The following USP1 variants were observed in gnomAD, a reference collection of about 807,000 sequenced individuals.
USP1 encodes the protein ubiquitin specific peptidase 1, also known as ubiquitin carboxyl-terminal hydrolase 1.
USP1 carries 18 observed loss-of-function variants against 72.2 expected under a neutral mutation model. The ratio of observed to expected loss-of-function variants is 0.25; its 90% CI spans 0.17 to 0.37. The LOEUF is 0.37. Ranked by LOEUF, USP1 falls within the 10% of genes least tolerant of loss-of-function variation. The pLI is 1.00. For missense variants in USP1, 759 were observed against 884.9 expected (o/e 0.86, Z 1.81); for synonymous variants, 354 against 303.7 (o/e 1.17, Z -1.72).
At chr1:62,440,266 A>G (rs1025564966) in intron 2 of USP1, among the ~76,000 whole-genome samples, 40 of 152,280 alleles carry the variant, frequency 2.6e-4, no homozygotes, top group African/African-American at 9.1e-4. Context: ...TCAGCCATTT[A>G]GACTAACTTG....
chr1:62,436,502 T>C (rs1300148312), upstream of USP1: 1 of 152,172 alleles, frequency 6.6e-6, no homozygotes, highest in African/African-American at 2.4e-5. Flanking sequence ...AGCCCACCTT[T>C]CTTCTTTTTT....
intron 6 of USP1, 59 bp from the exon 7 acceptor site, chr1:62,447,282 T>C: frequency 6.7e-7 from 1 of 1,483,102 alleles, no homozygotes; most frequent in Non-Finnish European, 9.1e-7. Flanking sequence ...AAATTGGTTA[T>C]TTGGACTATA....
chr1:62,451,126 T>C lies in USP1; in HGVS notation c.*145T>C. 1.2e-6 allele frequency: 1 copy of C among 813,024 alleles called. No individual in the cohort carries two copies. Among genetic ancestry groups the C allele is most frequent in the Non-Finnish European group, 1.8e-6 (1 of 571,008 alleles). 50.4% of individuals were successfully genotyped at this position (813,024 alleles called of 1,614,324 possible). A position where few individuals can be genotyped will look rare whatever the true frequency, so the allele number is the denominator to read the frequency against. Reference sequence around the variant, plus strand: ...AGGTTTTTATATAAATAGTGAAATTTGAATTACTGAAAACCATGTTAATTT... The same window carrying C: ...AGGTTTTTATATAAATAGTGAAATTCGAATTACTGAAAACCATGTTAATTT... On this transcript the variant is annotated 3_prime_UTR_variant, in exon 9 of 9. Transcript: ENST00000339950.
intron 7 of USP1, 42 bp downstream of exon 7, chr1:62,447,553 T>C (rs1645184199): frequency 6.4e-7 from 1 of 1,566,640 alleles, no homozygotes; most frequent in Non-Finnish European, 8.6e-7. Context: ...GATGGAATAT[T>C]TATAATTCTT....
chr1:62,447,427 T>G lies in USP1; in HGVS notation c.1336T>G (p.Leu446Val). The G allele has an allele frequency of 6.2e-7, 1 of 1,614,106 alleles. No individual in the cohort carries two copies. Among genetic ancestry groups the G allele is most frequent in the Non-Finnish European group, 8.5e-7 (1 of 1,180,014 alleles). Residue 446 changes from leucine (L) to valine (V), a missense_variant, in exon 7 of 9, where the codon TTA (leucine) becomes GTA (valine). Physicochemically the swap from Leu to Val is conservative, Grantham distance 32 (BLOSUM62 1). Around this residue, in one of 9 missense-constraint regions of USP1, gnomAD observed 140 missense variants for 222.8 expected, o/e 0.63. Transcript: ENST00000339950. ...GACGCGTTGCTTGGAATGTGAAAGT[T>G]TAACAGAAAGAAGAGAAGATTTTCA... ...LRTRCLECES[L>V]TERREDFQDI... is the part of the protein sequence containing the mutation.
intron 7 of USP1, among the ~76,000 whole-genome samples, 194 bp from the exon 8 acceptor site, chr1:62,448,270 TC>T: frequency 6.6e-6 from 1 of 152,350 alleles, no homozygotes; most frequent in African/African-American, 2.4e-5. Flanking sequence ...TTTTGGCCGA[TC>T]AAATATATTT....
rs1159640174 is a variant in USP1, at chr1:62,451,663, A to G, written c.*682A>G. 6.5e-6 allele frequency: 1 copy of G among 152,676 alleles called. No individual in the cohort carries two copies. Among genetic ancestry groups the G allele is most frequent in the African/African-American group, 2.4e-5 (1 of 41,460 alleles). 9.5% of individuals were successfully genotyped at this position (152,676 alleles called of 1,614,324 possible). On this transcript the variant is annotated 3_prime_UTR_variant, in exon 9 of 9. Transcript: ENST00000339950. ...TGCACGATCTGTATATAGTACATCA[A>G]ACTTAGAGGTGTGACCTTAAATTTA...
In USP1 at chr1:62,440,364, TA is replaced by T. The variant is rs1366753384; in HGVS notation, c.170+328del. On this transcript the variant is annotated intron_variant, in intron 2 of 8. Coordinates refer to ENST00000339950, the MANE Select transcript of USP1 (RefSeq NM_003368.5). ...ACATCTGTGTAGGGGTAAAAGGTTT[TA>T]TATATATATATATATATATTTGTTT... 3.5e-4 allele frequency among the ~76,000 whole-genome samples: 14 copies of T among 40,300 alleles called. No individual in the cohort carries two copies. The South Asian group carries it at 3.5e-3, about 10-fold the overall frequency. The allele number at this position is 40,300 out of a possible 152,430, so 26.4% of individuals were successfully genotyped here. A position where few individuals can be genotyped will look rare whatever the true frequency, so the allele number is the denominator to read the frequency against.
At chr1:62,449,905 T>TAA (rs547815480) in intron 8 of USP1, among the ~76,000 whole-genome samples, 2 of 141,776 alleles carry the variant, frequency 1.4e-5, no homozygotes, top group Admixed American at 7.1e-5. Context: ...GACCCTGCCT[T>TAA]AAAAAAAAAA....
upstream of USP1, chr1:62,436,933 C>G (rs966353783): frequency 4.1e-5 from 16 of 394,208 alleles, no homozygotes; most frequent in Non-Finnish European, 6.7e-5. Flanking sequence ...CGAGACGGCT[C>G]CTGCCTTTCG....
At position 62,450,717 on chromosome 1, in the gene USP1, T is replaced by C; in HGVS notation, c.2094T>C (p.Asn698=). ...TTGCTAGTACAGCGTTTGCTGAAAA[T>C]AGAAATTCTGAGACTAGTGATACTA... The part of the protein sequence containing the change: ...DKVASTAFAE[N]RNSETSDTTG... Residue 698 remains asparagine, a synonymous_variant, in exon 9 of 9, where the codon AAT becomes AAC. Coordinates refer to ENST00000339950, the MANE Select transcript of USP1 (RefSeq NM_003368.5). 2 of 1,613,950 alleles carry C rather than the reference T, an allele frequency of 1.2e-6. No homozygotes were observed. The highest frequency in any genetic ancestry group is 1.3e-5 in the African/African-American group (1 of 75,014).
chr1:62,442,263 A>C lies in USP1; in HGVS notation c.360A>C (p.Lys120Asn). 6.2e-7 allele frequency: 1 copy of C among 1,606,346 alleles called. No individual in the cohort carries two copies. Among genetic ancestry groups the C allele is most frequent in the Non-Finnish European group, 8.5e-7 (1 of 1,175,086 alleles). ...KHLFNIISRK[K>N]EALKDEANQK... ...TATTTAATATTATTTCAAGGAAGAAAGAAGCTCTAAAGGATGAAGCCAATC... is the reference window on the plus strand; with the variant it reads ...TATTTAATATTATTTCAAGGAAGAACGAAGCTCTAAAGGATGAAGCCAATC... Residue 120 changes from lysine (K) to asparagine (N), a missense_variant, in exon 4 of 9, where the codon AAA becomes AAC. Physicochemically the swap from Lys to Asn is moderately conservative, Grantham distance 94 (BLOSUM62 0). Transcript: ENST00000339950.
intron 3 of USP1, 149 bp downstream of exon 3, chr1:62,441,757 T>A: frequency 9.9e-7 from 1 of 1,013,600 alleles, no homozygotes; most frequent in Non-Finnish European, 1.4e-6. Context: ...AATAATAAGT[T>A]ACATGTTATT....
chr1:62,450,792 CATT>C lies in USP1; in HGVS notation c.2171_2173del (p.Ile724del). On this transcript the variant is annotated inframe_deletion, in exon 9 of 9. Coordinates refer to ENST00000339950, the MANE Select transcript of USP1 (RefSeq NM_003368.5). ...ACAAGGAATCCAGTGACCAAACAGG[CATT>C]AATATTAGTGGATTTGAGAACAAAA... 6.2e-7 allele frequency: 1 copy of C among 1,613,900 alleles called. No individual in the cohort carries two copies. Among genetic ancestry groups the C allele is most frequent in the Non-Finnish European group, 8.5e-7 (1 of 1,179,940 alleles).
chr1:62,450,725 C>A lies in USP1; in HGVS notation c.2102C>A (p.Ser701Tyr), dbSNP rs1446870270. The A allele has an allele frequency of 6.2e-7, 1 of 1,613,872 alleles. No homozygotes were observed. The highest frequency in any genetic ancestry group is 1.7e-5 in the Admixed American group (1 of 59,980). The change falls in exon 9 of 9, where the codon TCT (serine) becomes TAT (tyrosine). Residue 701 changes from serine to tyrosine, a missense_variant. This residue lies in a region of USP1 where 159 missense variants were observed against 140.9 expected (regional missense o/e 1.13). Coordinates refer to ENST00000339950, the MANE Select transcript of USP1 (RefSeq NM_003368.5). ...ACAGCGTTTGCTGAAAATAGAAATT[C>A]TGAGACTAGTGATACTACTGGGACC... ...ASTAFAENRN[S>Y]ETSDTTGTHE...
chr1:62,438,649 A>G (rs899329734), intron 1 of USP1, among the ~76,000 whole-genome samples: 5 of 152,182 alleles, frequency 3.3e-5, no homozygotes, highest in African/African-American at 9.7e-5. Flanking sequence ...TTTTCCTCCC[A>G]TGTCCTGAAA....
Position 62,443,424 on chromosome 1 carries a change from A to G in USP1, c.557+105A>G, listed in dbSNP as rs1266015226. 2.5e-6 allele frequency: 3 copies of G among 1,192,968 alleles called. No homozygotes were observed. The African/African-American group carries it at 4.7e-5, about 19-fold the overall frequency. The allele number at this position is 1,192,968 out of a possible 1,614,324, so 73.9% of individuals were successfully genotyped here. A position where few individuals can be genotyped will look rare whatever the true frequency, so the allele number is the denominator to read the frequency against. On this transcript the variant is annotated intron_variant, in intron 5 of 8. Coordinates refer to ENST00000339950, the MANE Select transcript of USP1 (RefSeq NM_003368.5). Reference sequence around the variant, plus strand: ...CAGGAATAAAGGGCAAGGAAAGTAGAAACTCTAGGTCCACAGTCCTTTATA... The same window carrying G: ...CAGGAATAAAGGGCAAGGAAAGTAGGAACTCTAGGTCCACAGTCCTTTATA...
intron 7 of USP1, among the ~76,000 whole-genome samples, 171 bp from the exon 8 acceptor site, chr1:62,448,294 T>C (rs1411345379): frequency 6.6e-6 from 1 of 152,230 alleles, no homozygotes; most frequent in African/African-American, 2.4e-5. Flanking sequence ...AAGGTATGTA[T>C]ACTGTTGAGG....
rs1399903412 is a variant in USP1 at position 62,441,568 on chromosome 1, A to G, written c.251A>G (p.Asn84Ser). The change falls in exon 3 of 9, where the codon AAT becomes AGT. Residue 84 changes from asparagine to serine, a missense_variant. Asn to Ser is a conservative substitution (Grantham distance 46). Coordinates refer to ENST00000339950, the MANE Select transcript of USP1 (RefSeq NM_003368.5). ...AACTTGTTACCATTTGTGGGACTGA[A>G]TAATCTCGGCAATACTTGCTATCTT... ...RENLLPFVGL[N>S]NLGNTCYLNS... 7 of 1,613,508 alleles carry G rather than the reference A, an allele frequency of 4.3e-6. No homozygotes were observed. The highest frequency in any genetic ancestry group is 5.1e-6 in the Non-Finnish European group (6 of 1,179,812).
Sources: allele counts gnomAD v4.1 joint callset (sites outside exome capture counted in the v4.1 genomes callset), GRCh38; gene constraint gnomAD v4.1.1; regional missense constraint gnomAD v4.1.1; transcripts MANE v1.5; gene names NCBI Gene and HGNC (gene_info 2026-07-23, HGNC 2026-07-21).